The following HCN1 variants were observed in gnomAD, a reference collection of about 807,000 sequenced individuals.
The protein encoded by HCN1 is hyperpolarization activated cyclic nucleotide gated potassium channel 1.
In HCN1, 13 loss-of-function variants were observed where a neutral mutation model predicts 78.9. That is an observed-to-expected ratio of 0.16 (90% CI 0.11 to 0.26). The LOEUF (loss-of-function observed/expected upper bound fraction) is 0.26, where lower values mean the gene tolerates loss of function less well. Among genes scored for constraint, HCN1 ranks in the 10% least tolerant of loss-of-function variants. The pLI, the probability that HCN1 is intolerant of heterozygous loss-of-function variation, is 1.00. For missense variants in HCN1, 810 were observed against 1,154.3 expected (o/e 0.70, Z 4.32); for synonymous variants, 552 against 455.5 (o/e 1.21, Z -2.70).
intron 3 of HCN1, among the ~76,000 whole-genome samples, chr5:45,456,028 G>T (rs892927223): frequency 6.6e-6 from 1 of 151,760 alleles, no homozygotes; most frequent in Non-Finnish European, 1.5e-5. Context: ...TCTCCATATA[G>T]ATTTTACTAA....
Position 45,259,492 on chromosome 5 carries a change from T to G in HCN1, c.*2429A>C, listed in dbSNP as rs1744687196. 1 of 152,348 alleles carries G rather than the reference T, an allele frequency of 6.6e-6. No individual in the cohort carries two copies. The highest frequency in any genetic ancestry group is 1.5e-5 in the Non-Finnish European group (1 of 67,892). The allele number at this position is 152,348 out of a possible 1,614,324, so 9.4% of individuals were successfully genotyped here. A position where few individuals can be genotyped will look rare whatever the true frequency, so the allele number is the denominator to read the frequency against. On this transcript the variant is annotated 3_prime_UTR_variant, in exon 8 of 8. Coordinates refer to ENST00000303230, the MANE Select transcript of HCN1 (RefSeq NM_021072.4). ...CAGAGAAAAGAGGTCACTTTTCAACTAGCAATGGACCTTTATATTACAGGA... is the reference window on the plus strand; with the variant it reads ...CAGAGAAAAGAGGTCACTTTTCAACGAGCAATGGACCTTTATATTACAGGA...
chr5:45,452,439 G>A (rs1740939829), intron 3 of HCN1, among the ~76,000 whole-genome samples: 1 of 150,722 alleles, frequency 6.6e-6, no homozygotes, highest in Non-Finnish European at 1.5e-5. Flanking sequence ...CAGGTAGTAA[G>A]TATAGTACCC....
chr5:45,352,932 T>A (rs1384559537), intron 5 of HCN1, among the ~76,000 whole-genome samples, 168 bp downstream of exon 5: 1 of 152,044 alleles, frequency 6.6e-6, no homozygotes, highest in Non-Finnish European at 1.5e-5. Context: ...CCAATACTTT[T>A]TTCAACATTT....
At chr5:45,544,648 T>G (rs941685671) in intron 2 of HCN1, among the ~76,000 whole-genome samples, 1 of 131,182 alleles carries the variant, frequency 7.6e-6, no homozygotes, top group Admixed American at 8.6e-5. Flanking sequence ...CCCCACCTAG[T>G]GTCCAAGTGT....
intron 6 of HCN1, among the ~76,000 whole-genome samples, chr5:45,269,899 C>G (rs369514723): frequency 6.6e-6 from 1 of 152,156 alleles, no homozygotes; most frequent in South Asian, 2.1e-4. Flanking sequence ...GTTCTTTGTA[C>G]GTATATTCCA....
rs539775900 is a variant in HCN1 at position 45,276,214 on chromosome 5, A to T, written c.1619-8961T>A. 5.7e-4 allele frequency among the ~76,000 whole-genome samples: 87 copies of T among 151,806 alleles called. 2 individuals carry two copies. In the South Asian group the frequency reaches 0.013, roughly 22 times the overall value. ...TTTCCCTTGATGCTCTCTCTTTCTCACACACACACACACCACATGCACACA... is the reference window on the plus strand; with the variant it reads ...TTTCCCTTGATGCTCTCTCTTTCTCTCACACACACACACCACATGCACACA... On this transcript the variant is annotated intron_variant, in intron 6 of 7. Transcript: ENST00000303230.
At chr5:45,268,875 A>T (rs1374789716) in intron 6 of HCN1, among the ~76,000 whole-genome samples, 5 of 152,192 alleles carry the variant, frequency 3.3e-5, no homozygotes, top group African/African-American at 1.2e-4. Flanking sequence ...TGCTACTGTA[A>T]TATAAACAAG....
intron 3 of HCN1, among the ~76,000 whole-genome samples, chr5:45,400,570 T>C (rs566103974): frequency 6.6e-6 from 1 of 151,982 alleles, no homozygotes; most frequent in East Asian, 1.9e-4. Flanking sequence ...TTTGCATTTT[T>C]AGTAGAGACG....
At chr5:45,351,024 A>G (rs1746888810) in intron 5 of HCN1, among the ~76,000 whole-genome samples, 1 of 152,156 alleles carries the variant, frequency 6.6e-6, no homozygotes, top group Admixed American at 6.5e-5. Flanking sequence ...GGAAAAAACT[A>G]CTTTAAAATA....
intron 2 of HCN1, among the ~76,000 whole-genome samples, chr5:45,496,279 G>A (rs1258634776): frequency 1.3e-5 from 2 of 150,250 alleles, no homozygotes; most frequent in South Asian, 2.1e-4. Flanking sequence ...CAATTTCAGA[G>A]CCTGTTATTG....
chr5:45,313,299 G>T (rs1162146361), intron 5 of HCN1, among the ~76,000 whole-genome samples: 1 of 152,146 alleles, frequency 6.6e-6, no homozygotes, highest in Non-Finnish European at 1.5e-5. Flanking sequence ...ACATGCAGCT[G>T]AGGGTCCTGA....
chr5:45,380,818 T>C (rs1747793717), intron 4 of HCN1, among the ~76,000 whole-genome samples: 2 of 152,158 alleles, frequency 1.3e-5, no homozygotes, highest in African/African-American at 4.8e-5. Flanking sequence ...TGGGAAACTT[T>C]CTGGAACCAC....
At chr5:45,354,697 G>A (rs35804423) in intron 4 of HCN1, among the ~76,000 whole-genome samples, 49,252 of 151,700 alleles carry the variant, frequency 0.32, 10,333 homozygotes, top group African/African-American at 0.58. Context: ...CCACTTTGTC[G>A]TGAGACTTTC....
intron 3 of HCN1, among the ~76,000 whole-genome samples, chr5:45,433,806 C>T (rs898254739): frequency 6.6e-6 from 1 of 152,112 alleles, no homozygotes. Flanking sequence ...AAAAAAATGC[C>T]TTTCCTTTCT....
At chr5:45,303,576 T>C in intron 6 of HCN1, 23 bp downstream of exon 6, 1 of 1,612,202 alleles carries the variant, frequency 6.2e-7, no homozygotes, top group Non-Finnish European at 8.5e-7. Flanking sequence ...AGATTTCATC[T>C]TAGTTGCATC....
rs551044186 is a variant in HCN1 at position 45,356,158 on chromosome 5, C to T, written c.1231-2912G>A. Among the ~76,000 whole-genome samples the T allele has an allele frequency of 1.3e-4, 19 of 151,858 alleles. 1 individual carries two copies. The highest frequency in any genetic ancestry group is 2.4e-4 in the Non-Finnish European group (16 of 67,912). Reference sequence around the variant, plus strand: ...GCAAAGTCAAAAAATGATAAAATGGCAAACTTTCTAATAGTTGTAGTAATA... The same window carrying T: ...GCAAAGTCAAAAAATGATAAAATGGTAAACTTTCTAATAGTTGTAGTAATA... On this transcript the variant is annotated intron_variant, in intron 4 of 7. Transcript: ENST00000303230.
chr5:45,316,745 T>C (rs1409712599), intron 5 of HCN1, among the ~76,000 whole-genome samples: 1 of 151,922 alleles, frequency 6.6e-6, no homozygotes, highest in Non-Finnish European at 1.5e-5. Context: ...TGTGCAAAAA[T>C]CACAAGCATT....
In HCN1 at chr5:45,525,143, T is replaced by C. The variant is rs535882698; in HGVS notation, c.850-63136A>G. ...TGGTTTTTGTCTTTGGTTCTGTTTA[T>C]ATGCTGGATTACATTTATTGATTTG... On this transcript the variant is annotated intron_variant, in intron 2 of 7. Coordinates refer to ENST00000303230, the MANE Select transcript of HCN1 (RefSeq NM_021072.4). Among the ~76,000 whole-genome samples, 5 of 152,286 alleles carry C rather than the reference T, an allele frequency of 3.3e-5. No individual in the cohort carries two copies. In the South Asian group the frequency reaches 1.0e-3, roughly 32 times the overall value.
intron 6 of HCN1, among the ~76,000 whole-genome samples, chr5:45,274,409 C>G (rs377120049): frequency 6.6e-6 from 1 of 152,112 alleles, no homozygotes; most frequent in African/African-American, 2.4e-5. Context: ...GACCTAGTAG[C>G]AACTCTTCAG....
Sources: allele counts gnomAD v4.1 joint callset (sites outside exome capture counted in the v4.1 genomes callset), GRCh38; gene constraint gnomAD v4.1.1; transcripts MANE v1.5; gene names NCBI Gene and HGNC (gene_info 2026-07-23, HGNC 2026-07-21).